The following CFAP46 variants were observed in gnomAD, a reference collection of about 807,000 sequenced individuals.
CFAP46 encodes the protein cilia- and flagella-associated protein 46.
Under a neutral mutation model 325.7 loss-of-function variants are expected in CFAP46, and 245 were observed. That is an observed-to-expected ratio of 0.75 (90% CI 0.68 to 0.84). CFAP46 has a LOEUF of 0.84. CFAP46 is among the 40% of genes least tolerant of loss of function. The probability of loss-of-function intolerance (pLI) is 0.00; values close to 1 mark genes in which losing one functional copy is unlikely to be tolerated. For synonymous variants in CFAP46, 1,523 were observed against 1,495.9 expected, an observed-to-expected ratio of 1.02 and a Z score of -0.42; for missense variants, 3,346 against 3,543.0, an observed-to-expected ratio of 0.94 and a Z score of 1.41.
chr10:132,814,881 T>C lies in CFAP46; in HGVS notation c.7151A>G (p.Asp2384Gly). ...CTTCGCTAGGCTTCTCTTTTTGGGG[T>C]CTCTGCTTCTTCCCTCCTTTTTCAC... Reference protein sequence around the residue: ...GGVKKEGRSRDPKKRSLAKKG... With the variant: ...GGVKKEGRSRGPKKRSLAKKG... Residue 2384 changes from aspartate to glycine, a missense_variant, in exon 51 of 58, where the codon GAC (aspartate) becomes GGC (glycine). Coordinates refer to ENST00000368586, the MANE Select transcript of CFAP46 (RefSeq NM_001200049.3). The C allele has an allele frequency of 1.9e-6, 3 of 1,614,132 alleles. No individual in the cohort carries two copies. Among genetic ancestry groups the C allele is most frequent in the South Asian group, 1.1e-5 (1 of 91,086 alleles).
At chr10:132,895,615 C>T (rs998382072) in intron 24 of CFAP46, among the ~76,000 whole-genome samples, 1 of 152,110 alleles carries the variant, frequency 6.6e-6, no homozygotes, top group Non-Finnish European at 1.5e-5. Context: ...TTAATGAATT[C>T]AGAAAAGTTG....
At position 132,869,916 on chromosome 10, in the gene CFAP46, T is replaced by C. The variant is rs1376231111; in HGVS notation, c.4512-544A>G. On this transcript the variant is annotated intron_variant, in intron 32 of 57. Transcript: ENST00000368586. This position sits in a 1 kb window ranked among gnomAD's most constrained non-coding sequence, Gnocchi z 6.2. Reference sequence around the variant, plus strand: ...ATCCTTCAGGGCACAGGCGCCTCCATTTATCAAACTGTGCTGTATTGCGCT... The same window carrying C: ...ATCCTTCAGGGCACAGGCGCCTCCACTTATCAAACTGTGCTGTATTGCGCT... Among the ~76,000 whole-genome samples the C allele has an allele frequency of 6.6e-6, 1 of 152,206 alleles. No individual in the cohort carries two copies. The highest frequency in any genetic ancestry group is 2.1e-4 in the South Asian group (1 of 4,828).
At position 132,832,478 on chromosome 10, in the gene CFAP46, G is replaced by T. The variant is rs983930631; in HGVS notation, c.7117+880C>A. On this transcript the variant is annotated intron_variant, in intron 50 of 57. Transcript: ENST00000368586. This position sits in a 1 kb window ranked among gnomAD's most constrained non-coding sequence, Gnocchi z 4.1. ...GCTCGCCAGCCAAACCCCCTTCGAG[G>T]CCCCCCGTCCTGCGCGGACTGCTCG... is the stretch of plus-strand genomic sequence containing the variant. The T allele has an allele frequency of 1.1e-5, 2 of 187,302 alleles. No homozygotes were observed. The allele number at this position is 187,302 out of a possible 1,614,324, so 11.6% of individuals were successfully genotyped here. A position where few individuals can be genotyped will look rare whatever the true frequency, so the allele number is the denominator to read the frequency against.
chr10:132,814,126 C>T (rs368381414), intron 54 of CFAP46, 26 bp downstream of exon 54: 101 of 1,595,480 alleles, frequency 6.3e-5, no homozygotes, highest in Middle Eastern at 3.3e-4. Flanking sequence ...ACACTGCAAA[C>T]GGCTCCTGGG....
rs548088495 is a variant in CFAP46, at chr10:132,938,169, C to T, written c.536+420G>A. On this transcript the variant is annotated intron_variant, in intron 5 of 57. Coordinates refer to ENST00000368586, the MANE Select transcript of CFAP46 (RefSeq NM_001200049.3). ...CCTCAGGGCTGAGACCCAGCAAGGC[C>T]GGCCTGCCCTGTGCTGCCCCAACTT... 5.3e-5 allele frequency among the ~76,000 whole-genome samples: 8 copies of T among 152,336 alleles called. No individual in the cohort carries two copies. The South Asian group carries it at 1.2e-3, about 24-fold the overall frequency.
chr10:132,929,110 G>A (rs767448679), intron 9 of CFAP46: 2 of 197,342 alleles, frequency 1.0e-5, no homozygotes, highest in Admixed American at 5.4e-5. Context: ...GGCCTGAAAC[G>A]TGGAGTAGTC....
rs935884416 is a variant in CFAP46, at chr10:132,847,673, C to A, written c.5953-352G>T. ...TCCTGTCCTTTGGAAACACCTCTCC[C>A]GGAACCAGCCAGCACTGAGGCTGAG... On this transcript the variant is annotated intron_variant, in intron 41 of 57. Transcript: ENST00000368586. This position sits in a 1 kb window ranked among gnomAD's most constrained non-coding sequence, Gnocchi z 5.2. Among the ~76,000 whole-genome samples the A allele has an allele frequency of 6.6e-6, 1 of 152,048 alleles. No individual in the cohort carries two copies. Among genetic ancestry groups the A allele is most frequent in the African/African-American group, 2.4e-5 (1 of 41,396 alleles).
At chr10:132,925,228 G>C (rs1849792596) in intron 10 of CFAP46, among the ~76,000 whole-genome samples, 1 of 152,220 alleles carries the variant, frequency 6.6e-6, no homozygotes, top group Non-Finnish European at 1.5e-5. Flanking sequence ...GCCTCCTCCG[G>C]TCTGTGCTAC....
At chr10:132,910,942 G>A (rs59524208) in intron 19 of CFAP46, among the ~76,000 whole-genome samples, 3,232 of 152,238 alleles carry the variant, frequency 0.021, 85 homozygotes, top group African/African-American at 0.065. Flanking sequence ...CGCCCAAGCC[G>A]GCTTCCTCAC....
At chr10:132,916,313 G>A (rs4242711) in intron 17 of CFAP46, among the ~76,000 whole-genome samples, 139,207 of 152,312 alleles carry the variant, frequency 0.91, 64,127 homozygotes, top group East Asian at 1. Flanking sequence ...CGTAGTAACA[G>A]CAAACTACGC....
At chr10:132,891,605 G>A in intron 25 of CFAP46, among the ~76,000 whole-genome samples, 1 of 152,210 alleles carries the variant, frequency 6.6e-6, no homozygotes, top group Non-Finnish European at 1.5e-5. Flanking sequence ...CACATGCTGT[G>A]GAGAATGCCC....
At chr10:132,887,634 C>T (rs1849173782) in intron 25 of CFAP46, among the ~76,000 whole-genome samples, 1 of 76,906 alleles carries the variant, frequency 1.3e-5, no homozygotes, top group Non-Finnish European at 2.6e-5. Context: ...CTCTCCTCTC[C>T]CTTCTTCTCT....
rs545862470 is a variant in CFAP46 at position 132,848,660 on chromosome 10, C to A, written c.5953-1339G>T. 2.6e-5 allele frequency among the ~76,000 whole-genome samples: 4 copies of A among 152,318 alleles called. No homozygotes were observed. In the East Asian group the frequency reaches 7.7e-4, roughly 29 times the overall value. The stretch of plus-strand genomic sequence containing the variant: ...CCCGCAGCGGCACAGATAAGGAAGT[C>A]ACAAGAACAGCGAAAGAGACCAGCG... On this transcript the variant is annotated intron_variant, in intron 41 of 57. Coordinates refer to ENST00000368586, the MANE Select transcript of CFAP46 (RefSeq NM_001200049.3).
chr10:132,833,335 A>G, intron 50 of CFAP46, 23 bp downstream of exon 50: 4 of 1,593,212 alleles, frequency 2.5e-6, no homozygotes, highest in Non-Finnish European at 3.4e-6. Context: ...TTACACATTA[A>G]GGTGGCTGAG....
intron 41 of CFAP46, 135 bp downstream of exon 41, chr10:132,850,109 G>A (rs983467291): frequency 2.8e-5 from 25 of 882,402 alleles, no homozygotes; most frequent in Admixed American, 9.8e-5. Flanking sequence ...CTTCCCTCAC[G>A]CCTACTTCCT....
intron 35 of CFAP46, among the ~76,000 whole-genome samples, chr10:132,862,980 A>G (rs1021571430): frequency 5.3e-5 from 8 of 152,134 alleles, no homozygotes; most frequent in Non-Finnish European, 1.2e-4. Context: ...GGAAAGATCA[A>G]GGAAACAAAC....
At chr10:132,840,584 T>G (rs547583036) in intron 44 of CFAP46, among the ~76,000 whole-genome samples, 9 of 152,240 alleles carry the variant, frequency 5.9e-5, no homozygotes, top group African/African-American at 2.2e-4. Flanking sequence ...TGTAACCCGT[T>G]TGAGCTAAGT....
chr10:132,848,365 A>G (rs1848475810), intron 41 of CFAP46, among the ~76,000 whole-genome samples: 1 of 152,194 alleles, frequency 6.6e-6, no homozygotes, highest in Non-Finnish European at 1.5e-5. Flanking sequence ...ACAGCCTGAA[A>G]TGTCACAGCC....
Position 132,814,596 on chromosome 10 carries a change from G to T in CFAP46, c.7266C>A (p.Tyr2422Ter), listed in dbSNP as rs376372983. The T allele has an allele frequency of 2.5e-6, 4 of 1,572,362 alleles. No homozygotes were observed. The East Asian group carries it at 9.2e-5, about 36-fold the overall frequency. The change falls in exon 53 of 58, where the codon TAC (tyrosine) becomes TAA (stop). Residue 2422 changes from tyrosine (Y) to a stop codon, truncating the protein, a stop_gained. Coordinates refer to ENST00000368586, the MANE Select transcript of CFAP46 (RefSeq NM_001200049.3). LOFTEE classifies it high-confidence loss of function. ...ACCCACCTGGGCCCTGGGCCTCCTC[G>T]TATGGGTCCACGACGACTGGGTCCC... ...SDNFKFVVDP[Y>*]EEAQGPEMLT...
Sources: gnomAD v4.1 joint callset for allele counts (sites outside exome capture counted in the v4.1 genomes callset) on GRCh38, gnomAD v4.1.1 for gene constraint, Gnocchi (gnomAD v3.1) non-coding constraint, MANE v1.5 for transcripts, NCBI Gene and HGNC (gene_info 2026-07-23, HGNC 2026-07-21) for gene names.